PCDH15: variants seen among roughly 807,000 people sequenced by gnomAD.
The protein encoded by PCDH15 is protocadherin related 15.
Under a neutral mutation model 178.5 loss-of-function variants are expected in PCDH15, and 129 were observed. That is an observed-to-expected ratio of 0.72 (90% CI 0.63 to 0.84). PCDH15 has a LOEUF of 0.84. PCDH15 is among the 40% of genes least tolerant of loss of function. PCDH15 has a pLI of 0.00. For synonymous variants in PCDH15, 800 were observed against 732.0 expected, an observed-to-expected ratio of 1.09 and a Z score of -1.50; for missense variants, 2,230 against 2,099.9, an observed-to-expected ratio of 1.06 and a Z score of -1.21.
intron 1 of PCDH15, among the ~76,000 whole-genome samples, chr10:55,302,203 C>T (rs965370146): frequency 2.0e-5 from 3 of 149,452 alleles, no homozygotes; most frequent in Admixed American, 1.3e-4. Flanking sequence ...AATTACCATG[C>T]TGAATATTCC....
chr10:54,101,146 T>C (rs2094804607), intron 15 of PCDH15, among the ~76,000 whole-genome samples: 2 of 152,134 alleles, frequency 1.3e-5, no homozygotes, highest in Non-Finnish European at 2.9e-5. Context: ...TGAAATCTGA[T>C]GGTTTGAAAA....
intron 26 of PCDH15, among the ~76,000 whole-genome samples, chr10:53,874,913 T>A (rs1358388867): frequency 4.0e-5 from 6 of 151,676 alleles, no homozygotes; most frequent in Admixed American, 1.3e-4. Context: ...TAAAAAAAAA[T>A]TAGAATTAAA....
At chr10:54,337,350 T>A (rs570416390) in intron 6 of PCDH15, among the ~76,000 whole-genome samples, 1 of 151,800 alleles carries the variant, frequency 6.6e-6, no homozygotes, top group African/African-American at 2.4e-5. Context: ...AGGTGTAGAG[T>A]AATATGATTT....
intron 6 of PCDH15, among the ~76,000 whole-genome samples, chr10:54,332,609 C>T (rs984156068): frequency 2.0e-5 from 3 of 151,168 alleles, no homozygotes; most frequent in Non-Finnish European, 4.4e-5. Flanking sequence ...AGACTTAAGT[C>T]TTTGATGTGA....
chr10:54,179,587 TA>T (rs936526617), intron 13 of PCDH15, among the ~76,000 whole-genome samples: 2 of 150,844 alleles, frequency 1.3e-5, no homozygotes, highest in East Asian at 1.9e-4. Flanking sequence ...AAATAAAATT[TA>T]AAAAAAAAGA....
At chr10:55,189,972 T>TA (rs1490567997) in intron 1 of PCDH15, among the ~76,000 whole-genome samples, 1 of 151,874 alleles carries the variant, frequency 6.6e-6, no homozygotes, top group African/African-American at 2.4e-5. Context: ...AGAATGTTCA[T>TA]AGCAGCTTGA....
At chr10:54,152,640 G>T (rs955468473) in intron 14 of PCDH15, among the ~76,000 whole-genome samples, 3 of 152,012 alleles carry the variant, frequency 2.0e-5, no homozygotes, top group Non-Finnish European at 2.9e-5. Flanking sequence ...TCAGGTGGGA[G>T]ACTAGAAAGA....
chr10:54,667,193 T>G (rs1265045986), intron 1 of PCDH15, among the ~76,000 whole-genome samples: 21 of 152,072 alleles, frequency 1.4e-4, no homozygotes, highest in Non-Finnish European at 1.5e-5. Flanking sequence ...TTTTTTACTC[T>G]TTCATCTATA....
intron 2 of PCDH15, among the ~76,000 whole-genome samples, chr10:54,926,352 T>C (rs1434746208): frequency 6.6e-6 from 1 of 152,094 alleles, no homozygotes; most frequent in Non-Finnish European, 1.5e-5. Context: ...GGTCTGCCAG[T>C]ATTTTGCTGT....
At chr10:54,309,083 AT>A (rs1214404639) in intron 8 of PCDH15, among the ~76,000 whole-genome samples, 1 of 151,916 alleles carries the variant, frequency 6.6e-6, no homozygotes, top group Non-Finnish European at 1.5e-5. Context: ...CACAGAAAAA[AT>A]TTTGAAAGTG....
At chr10:54,610,246 T>C (rs1464129018) in intron 2 of PCDH15, among the ~76,000 whole-genome samples, 1 of 152,042 alleles carries the variant, frequency 6.6e-6, no homozygotes, top group African/African-American at 2.4e-5. Flanking sequence ...CTTACAAAAC[T>C]ACTGGCTTGG....
At chr10:54,475,436 T>C (rs1191649040) in intron 3 of PCDH15, among the ~76,000 whole-genome samples, 1 of 152,020 alleles carries the variant, frequency 6.6e-6, no homozygotes, top group Non-Finnish European at 1.5e-5. Context: ...AAATTCCGAT[T>C]ACAATTCTTA....
intron 2 of PCDH15, among the ~76,000 whole-genome samples, chr10:55,621,143 G>T (rs111306164): frequency 3.4e-4 from 52 of 152,046 alleles, no homozygotes; most frequent in African/African-American, 1.1e-3. Flanking sequence ...TTGGAATCTA[G>T]GAGAATGTAC....
At chr10:54,498,211 T>C (rs1480022181) in intron 3 of PCDH15, among the ~76,000 whole-genome samples, 1 of 152,022 alleles carries the variant, frequency 6.6e-6, no homozygotes, top group Non-Finnish European at 1.5e-5. Flanking sequence ...CAAACTAAGC[T>C]TCATAAGTGA....
At chr10:55,367,257 T>C (rs1178486029) in intron 2 of PCDH15, among the ~76,000 whole-genome samples, 1 of 152,080 alleles carries the variant, frequency 6.6e-6, no homozygotes, top group East Asian at 1.9e-4. Flanking sequence ...AATTTGAGCA[T>C]TAAAGAATTG....
chr10:54,843,801 CT>C (rs1953459268), intron 3 of PCDH15, among the ~76,000 whole-genome samples: 1 of 151,932 alleles, frequency 6.6e-6, no homozygotes, highest in Non-Finnish European at 1.5e-5. Flanking sequence ...GAACAGTTCC[CT>C]GATACATCTT....
At chr10:55,022,471 G>C (rs1840355442) in intron 2 of PCDH15, among the ~76,000 whole-genome samples, 1 of 147,228 alleles carries the variant, frequency 6.8e-6, no homozygotes, top group East Asian at 2.0e-4. Flanking sequence ...AAAAAAAAAG[G>C]AAAGAGATAT....
At chr10:55,327,117 G>C (rs201918555) in intron 2 of PCDH15, among the ~76,000 whole-genome samples, 2 of 152,022 alleles carry the variant, frequency 1.3e-5, no homozygotes, top group East Asian at 3.9e-4. Flanking sequence ...TTAGGATGTA[G>C]GACCAGAACC....
rs138422924 is a variant in PCDH15 at position 55,314,139 on chromosome 10, T to C, written c.-156+5460A>G. ...ATCTTCTTATCTACTTTGTTCTATGTAGACATCATTTATAATATATAATAA... is the reference window on the plus strand; with the variant it reads ...ATCTTCTTATCTACTTTGTTCTATGCAGACATCATTTATAATATATAATAA... On this transcript the variant is annotated intron_variant, in intron 1 of 5. Coordinates refer to the PCDH15 transcript ENST00000458638. Among the ~76,000 whole-genome samples, 741 of 149,660 alleles carry C rather than the reference T, an allele frequency of 5.0e-3. 9 individuals are homozygous for C. Among genetic ancestry groups the C allele is most frequent in the African/African-American group, 0.017 (689 of 41,036 alleles).
Sources: gnomAD v4.1 joint callset for allele counts (sites outside exome capture counted in the v4.1 genomes callset) on GRCh38, gnomAD v4.1.1 for gene constraint, MANE v1.5 for transcripts, NCBI Gene and HGNC (gene_info 2026-07-23, HGNC 2026-07-21) for gene names.